The following DDX10 variants were observed in gnomAD, a reference collection of about 807,000 sequenced individuals.
DDX10 encodes the protein probable ATP-dependent RNA helicase DDX10.
DDX10 carries 74 observed loss-of-function variants against 104.3 expected under a neutral mutation model. The observed-to-expected ratio is 0.71, with a 90% CI of 0.59 to 0.86. DDX10 has a LOEUF of 0.86. Ranked by LOEUF, DDX10 falls within the 40% of genes least tolerant of loss-of-function variation. DDX10 has a pLI of 0.00. For synonymous variants in DDX10, 351 were observed against 353.4 expected, an observed-to-expected ratio of 0.99 and a Z score of 0.08; for missense variants, 952 against 1,040.0, an observed-to-expected ratio of 0.92 and a Z score of 1.16.
chr11:108,853,787 C>T (rs990276592), intron 16 of DDX10, among the ~76,000 whole-genome samples: 2 of 152,050 alleles, frequency 1.3e-5, no homozygotes, highest in African/African-American at 4.8e-5. Context: ...TGTGTTTGTC[C>T]TGTGTGTTTG....
intron 16 of DDX10, among the ~76,000 whole-genome samples, chr11:108,886,899 A>G (rs778843214): frequency 5.3e-5 from 8 of 152,234 alleles, no homozygotes; most frequent in Non-Finnish European, 1.2e-4. Flanking sequence ...TTCATGTGCT[A>G]TTCTGGACAT....
chr11:108,909,032 G>A (rs1044508532), intron 16 of DDX10, among the ~76,000 whole-genome samples: 2 of 152,172 alleles, frequency 1.3e-5, no homozygotes, highest in African/African-American at 2.4e-5. Flanking sequence ...TGACAGGAGT[G>A]TCTCTGGTTT....
intron 13 of DDX10, among the ~76,000 whole-genome samples, chr11:108,737,226 AT>A (rs1276057410): frequency 2.0e-5 from 3 of 152,220 alleles, no homozygotes; most frequent in Non-Finnish European, 4.4e-5. Flanking sequence ...AATAAACCAA[AT>A]TTTTAAAACT....
chr11:108,725,756 G>C (rs1213696528), intron 13 of DDX10, among the ~76,000 whole-genome samples: 1 of 151,720 alleles, frequency 6.6e-6, no homozygotes, highest in African/African-American at 2.4e-5. Context: ...TTTTTATTTT[G>C]AGTGTCTGGC....
At chr11:108,803,383 C>T (rs924304068) in intron 13 of DDX10, among the ~76,000 whole-genome samples, 13 of 151,610 alleles carry the variant, frequency 8.6e-5, no homozygotes, top group African/African-American at 2.9e-4. Flanking sequence ...CACCTGCGGT[C>T]GTGAGTTTGA....
chr11:108,675,475 G>A, intron 2 of DDX10, 121 bp from the exon 3 acceptor site: 1 of 1,066,596 alleles, frequency 9.4e-7, no homozygotes, highest in Non-Finnish European at 1.4e-6. Context: ...GTATAGTTAT[G>A]TTCTGAGGTA....
At chr11:108,743,736 C>T (rs1318856653) in intron 13 of DDX10, among the ~76,000 whole-genome samples, 1 of 152,032 alleles carries the variant, frequency 6.6e-6, no homozygotes, top group Non-Finnish European at 1.5e-5. Flanking sequence ...TTTGCAAGAC[C>T]TTTTTCTATG....
chr11:108,839,016 A>G (rs1336348021), intron 14 of DDX10, among the ~76,000 whole-genome samples: 1 of 152,242 alleles, frequency 6.6e-6, no homozygotes, highest in Admixed American at 6.5e-5. Context: ...TGCTTTATAA[A>G]GTAGTCTCAG....
chr11:108,780,990 A>G (rs932584185), intron 13 of DDX10, among the ~76,000 whole-genome samples: 8 of 152,312 alleles, frequency 5.3e-5, no homozygotes, highest in African/African-American at 1.4e-4. Context: ...TATGATTGCT[A>G]CATGGATGTA....
At chr11:108,743,923 A>G (rs2615741) in intron 13 of DDX10, among the ~76,000 whole-genome samples, 18,714 of 152,174 alleles carry the variant, frequency 0.12, 1,559 homozygotes, top group East Asian at 0.27. Context: ...GGTAATACTT[A>G]TGTTCCTTTT....
intron 11 of DDX10, among the ~76,000 whole-genome samples, chr11:108,717,568 T>C (rs1419420946): frequency 6.6e-6 from 1 of 152,224 alleles, no homozygotes; most frequent in African/African-American, 2.4e-5. Flanking sequence ...TGCCTTGGCC[T>C]CCCAAAGTGC....
chr11:108,695,387 T>C (rs1345727554), intron 9 of DDX10, among the ~76,000 whole-genome samples: 1 of 152,224 alleles, frequency 6.6e-6, no homozygotes, highest in African/African-American at 2.4e-5. Context: ...TCCAATTTCA[T>C]GCCACAAACT....
chr11:108,802,069 A>G (rs899756194), intron 13 of DDX10, among the ~76,000 whole-genome samples: 1 of 150,828 alleles, frequency 6.6e-6, no homozygotes, highest in Non-Finnish European at 1.5e-5. Context: ...ATCAGGTGGA[A>G]CCCATCACTA....
chr11:108,688,144 T>G (rs1180293490), intron 6 of DDX10, among the ~76,000 whole-genome samples: 1 of 152,234 alleles, frequency 6.6e-6, no homozygotes, highest in African/African-American at 2.4e-5. Context: ...GGGTTGATTT[T>G]CATCATTTTT....
intron 13 of DDX10, among the ~76,000 whole-genome samples, chr11:108,748,104 A>G (rs1184205076): frequency 2.6e-5 from 4 of 152,184 alleles, no homozygotes; most frequent in Non-Finnish European, 5.9e-5. Flanking sequence ...AAGGGACTTG[A>G]AACTTACAAG....
chr11:108,744,520 A>G (rs1287464357), intron 13 of DDX10, among the ~76,000 whole-genome samples: 1 of 152,174 alleles, frequency 6.6e-6, no homozygotes, highest in Admixed American at 6.6e-5. Context: ...TAAAAATACT[A>G]TTGAGCCTTT....
intron 13 of DDX10, among the ~76,000 whole-genome samples, chr11:108,733,895 A>G (rs1214874797): frequency 6.6e-6 from 1 of 151,748 alleles, no homozygotes; most frequent in Non-Finnish European, 1.5e-5. Flanking sequence ...TGGGTTTTGT[A>G]AGCTAGCCCC....
intron 16 of DDX10, among the ~76,000 whole-genome samples, chr11:108,891,811 T>C (rs765939759): frequency 6.6e-6 from 1 of 152,124 alleles, no homozygotes; most frequent in Non-Finnish European, 1.5e-5. Context: ...GCAGCAGGCA[T>C]GGAGCCAGAA....
chr11:108,831,786 A>G (rs1862476904), intron 13 of DDX10, among the ~76,000 whole-genome samples: 1 of 152,046 alleles, frequency 6.6e-6, no homozygotes, highest in African/African-American at 2.4e-5. Flanking sequence ...ATTTTCTTGT[A>G]GCCAATGTTA....
Sources: gnomAD v4.1 joint callset for allele counts (sites outside exome capture counted in the v4.1 genomes callset) on GRCh38, gnomAD v4.1.1 for gene constraint, MANE v1.5 for transcripts, NCBI Gene and HGNC (gene_info 2026-07-23, HGNC 2026-07-21) for gene names.